Variants in DOCK4 observed in about 807,000 individuals in gnomAD.
DOCK4 encodes dedicator of cytokinesis protein 4.
Under a neutral mutation model 268.1 loss-of-function variants are expected in DOCK4, and 97 were observed. The observed-to-expected ratio is 0.36, with a 90% CI of 0.31 to 0.43. The LOEUF (loss-of-function observed/expected upper bound fraction) is 0.43, where lower values mean the gene tolerates loss of function less well. DOCK4 is among the 20% of genes least tolerant of loss of function. The pLI, the probability that DOCK4 is intolerant of heterozygous loss-of-function variation, is 1.00. For synonymous variants in DOCK4, 954 were observed against 887.2 expected (o/e 1.08, Z -1.34); for missense variants, 2,145 against 2,455.7 (o/e 0.87, Z 2.67).
At chr7:111,809,724 G>A (rs530754698) in intron 28 of DOCK4, among the ~76,000 whole-genome samples, 1 of 152,312 alleles carries the variant, frequency 6.6e-6, no homozygotes, top group South Asian at 2.1e-4. Context: ...AAAGACAGAT[G>A]CGTGGTTTCT....
chr7:112,123,471 C>T (rs1812932601), intron 1 of DOCK4, among the ~76,000 whole-genome samples: 1 of 152,146 alleles, frequency 6.6e-6, no homozygotes, highest in Non-Finnish European at 1.5e-5. Context: ...ACCATGAACA[C>T]ATCTTTGACT....
chr7:111,736,481 G>A (rs1489715330), intron 50 of DOCK4, among the ~76,000 whole-genome samples: 1 of 152,184 alleles, frequency 6.6e-6, no homozygotes, highest in Admixed American at 6.5e-5. Flanking sequence ...GTATTTAATT[G>A]TACAAGAGCC....
intron 22 of DOCK4, 37 bp downstream of exon 22, chr7:111,867,947 C>T (rs751284464): frequency 5.4e-6 from 8 of 1,473,778 alleles, no homozygotes; most frequent in African/African-American, 1.5e-5. Context: ...CTGCACTTAT[C>T]GTTTTCTTCT....
At chr7:112,162,634 A>G (rs1817237661) in intron 1 of DOCK4, among the ~76,000 whole-genome samples, 1 of 151,982 alleles carries the variant, frequency 6.6e-6, no homozygotes, top group South Asian at 2.1e-4. Context: ...ACGGAGTCCT[A>G]AGAAACTCCA....
At chr7:111,934,704 A>ATTT (rs771289183) in intron 12 of DOCK4, among the ~76,000 whole-genome samples, 16 of 118,570 alleles carry the variant, frequency 1.3e-4, no homozygotes, top group African/African-American at 4.8e-4. Flanking sequence ...TAATTTTTGT[A>ATTT]TTTTTTTTTT....
At chr7:111,940,906 T>C (rs974084801) in intron 10 of DOCK4, among the ~76,000 whole-genome samples, 2 of 152,238 alleles carry the variant, frequency 1.3e-5, no homozygotes, top group Non-Finnish European at 2.9e-5. Context: ...GAAGTTGAAA[T>C]ATAACAAGTT....
In DOCK4 at chr7:111,971,917, C is replaced by T. The variant is rs903865532; in HGVS notation, c.701+5215G>A. 9 of 172,216 alleles carry T rather than the reference C, an allele frequency of 5.2e-5. 1 individual carries two copies. The highest frequency in any genetic ancestry group is 4.4e-4 in the South Asian group (3 of 6,798). The allele number at this position is 172,216 out of a possible 1,614,324, so 10.7% of individuals were successfully genotyped here. A position where few individuals can be genotyped will look rare whatever the true frequency, so the allele number is the denominator to read the frequency against. ...CAACATTCTTAGGCCTTTTCTCAAACGGGATTTATCACTTTCTTGGCCTCC... is the reference window on the plus strand; with the variant it reads ...CAACATTCTTAGGCCTTTTCTCAAATGGGATTTATCACTTTCTTGGCCTCC... On this transcript the variant is annotated intron_variant, in intron 8 of 52. Coordinates refer to ENST00000428084, the MANE Select transcript of DOCK4 (RefSeq NM_001363540.2).
chr7:111,826,541 C>G (rs916460695), intron 26 of DOCK4, among the ~76,000 whole-genome samples: 2 of 152,126 alleles, frequency 1.3e-5, no homozygotes, highest in Non-Finnish European at 1.5e-5. Flanking sequence ...CCATGGAATA[C>G]TATGCAGCCA....
At chr7:112,135,817 T>A (rs1222075759) in intron 1 of DOCK4, among the ~76,000 whole-genome samples, 1 of 151,598 alleles carries the variant, frequency 6.6e-6, no homozygotes, top group African/African-American at 2.4e-5. Flanking sequence ...CGAAGTTTAA[T>A]GATAAAAAAT....
chr7:111,803,708 A>C (rs1800463545), intron 30 of DOCK4, among the ~76,000 whole-genome samples: 1 of 152,218 alleles, frequency 6.6e-6, no homozygotes, highest in Non-Finnish European at 1.5e-5. Context: ...GTAGGGGTAC[A>C]GACGGGTAAA....
At chr7:112,180,128 C>A (rs551017986) in intron 1 of DOCK4, among the ~76,000 whole-genome samples, 45 of 152,228 alleles carry the variant, frequency 3.0e-4, no homozygotes, top group African/African-American at 1.0e-3. Context: ...ACCATGTAGG[C>A]ATAGTTCTTC....
chr7:112,080,990 T>G (rs1244488767), intron 1 of DOCK4, among the ~76,000 whole-genome samples: 1 of 152,118 alleles, frequency 6.6e-6, no homozygotes, highest in African/African-American at 2.4e-5. Context: ...AAAGAAATTG[T>G]TAAAAGACAT....
Position 111,846,999 on chromosome 7 carries a change from T to C in DOCK4, c.2601A>G (p.Ser867=), listed in dbSNP as rs1332479787. ...NVFCLIKKNS[S]EKSVLEEIDV... ...TATACTATGACCTGTATTTACTTAC[T>C]GAGCTATTTTTCTTGATAAGACAAA... The change falls in exon 24 of 53, where the codon TCA becomes TCG. Residue 867 remains serine, a splice_region_variant and synonymous_variant. Coordinates refer to ENST00000428084, the MANE Select transcript of DOCK4 (RefSeq NM_001363540.2). The C allele has an allele frequency of 9.3e-6, 15 of 1,613,490 alleles. No individual in the cohort carries two copies. The highest frequency in any genetic ancestry group is 1.2e-5 in the Non-Finnish European group (14 of 1,179,600).
At chr7:111,819,481 C>A (rs1801816159) in intron 27 of DOCK4, 3 of 152,050 alleles carry the variant, frequency 2.0e-5, no homozygotes, top group African/African-American at 7.2e-5. Context: ...CTTGCCCTGG[C>A]AGAATTATAA....
In DOCK4 at chr7:111,868,142, T is replaced by C; in HGVS notation, c.2122A>G (p.Ile708Val). Reference sequence around the variant, plus strand: ...CGAGATTGAACTATATACTTAAAAATGTATTCTTGTGCCTTAAAAATACAA... The same window carrying C: ...CGAGATTGAACTATATACTTAAAAACGTATTCTTGTGCCTTAAAAATACAA... ...IQEVLKAQEY[I>V]FKYIVQSRRL... Residue 708 changes from isoleucine (I) to valine (V), a missense_variant, in exon 22 of 53, where the codon ATT becomes GTT. By Grantham distance (29) the Ile-to-Val change is conservative. Coordinates refer to ENST00000428084, the MANE Select transcript of DOCK4 (RefSeq NM_001363540.2). 6.3e-7 allele frequency: 1 copy of C among 1,584,666 alleles called. No homozygotes were observed. Among genetic ancestry groups the C allele is most frequent in the Non-Finnish European group, 8.6e-7 (1 of 1,168,638 alleles).
chr7:112,145,707 A>G (rs1815414060), intron 1 of DOCK4, among the ~76,000 whole-genome samples: 4 of 152,106 alleles, frequency 2.6e-5, no homozygotes, highest in East Asian at 1.9e-4. Flanking sequence ...CTAGACATAC[A>G]TGCACATGAG....
At chr7:112,075,410 T>C (rs984736123) in intron 1 of DOCK4, among the ~76,000 whole-genome samples, 2 of 152,262 alleles carry the variant, frequency 1.3e-5, no homozygotes, top group Non-Finnish European at 2.9e-5. Context: ...CTGATGGTAA[T>C]GAAGAGGACA....
chr7:112,109,988 C>G (rs1231688246), intron 1 of DOCK4, among the ~76,000 whole-genome samples: 1 of 151,912 alleles, frequency 6.6e-6, no homozygotes, highest in Non-Finnish European at 1.5e-5. Context: ...TCGTGATCCG[C>G]CCGCCTCGGC....
At chr7:112,082,111 T>C (rs895058747) in intron 1 of DOCK4, among the ~76,000 whole-genome samples, 9 of 152,154 alleles carry the variant, frequency 5.9e-5, no homozygotes, top group Admixed American at 2.6e-4. Context: ...TGTCATGGAA[T>C]AGACACATAG....
Sources: gnomAD v4.1 joint callset for allele counts (sites outside exome capture counted in the v4.1 genomes callset) on GRCh38, gnomAD v4.1.1 for gene constraint, MANE v1.5 for transcripts, NCBI Gene and HGNC (gene_info 2026-07-23, HGNC 2026-07-21) for gene names.